Variants in ROS1 observed in about 807,000 individuals in gnomAD.
ROS1 encodes proto-oncogene tyrosine-protein kinase ROS.
ROS1 carries 263 observed loss-of-function variants against 273.5 expected under a neutral mutation model. That is an observed-to-expected ratio of 0.96 (90% CI 0.87 to 1.06). ROS1 has a LOEUF of 1.06. Ranked by LOEUF, ROS1 falls within the 50% of genes least tolerant of loss-of-function variation. The probability of loss-of-function intolerance (pLI) is 0.00; values close to 1 mark genes in which losing one functional copy is unlikely to be tolerated. For synonymous variants in ROS1, 1,008 were observed against 954.1 expected (o/e 1.06, Z -1.04); for missense variants, 2,833 against 2,751.1 (o/e 1.03, Z -0.67).
chr6:117,396,358 G>A, intron 8 of ROS1, 94 bp from the exon 9 acceptor site: 1 of 887,316 alleles, frequency 1.1e-6, no homozygotes, highest in Non-Finnish European at 1.9e-6. Context: ...CTATTTAAAG[G>A]GTGATGTGGC....
intron 42 of ROS1, among the ~76,000 whole-genome samples, chr6:117,306,409 A>G (rs1359165706): frequency 6.6e-6 from 1 of 152,110 alleles, no homozygotes; most frequent in African/African-American, 2.4e-5. Context: ...AAACCCCAGA[A>G]AGCTCTCACT....
chr6:117,371,946 T>C (rs1286162688), intron 18 of ROS1, among the ~76,000 whole-genome samples: 1 of 152,178 alleles, frequency 6.6e-6, no homozygotes, highest in Non-Finnish European at 1.5e-5. Context: ...AGCTCAGACA[T>C]GCCTAACCCT....
At position 117,392,350 on chromosome 6, in the gene ROS1, AT is replaced by A. The variant is rs566533958; in HGVS notation, c.1289+873del. On this transcript the variant is annotated intron_variant, in intron 12 of 43. Transcript: ENST00000368507. ...TTGTGAAAAACATGTTATGAGCTGT[AT>A]TTTTTTTTTCATTCAAAATGAAAGC... Among the ~76,000 whole-genome samples the A allele has an allele frequency of 7.1e-4, 107 of 150,166 alleles. 1 individual carries two copies. Among genetic ancestry groups the A allele is most frequent in the Middle Eastern group, 3.5e-3 (1 of 288 alleles).
intron 19 of ROS1, 60 bp from the exon 20 acceptor site, chr6:117,365,801 A>C: frequency 3.9e-6 from 5 of 1,285,672 alleles, no homozygotes; most frequent in Non-Finnish European, 5.3e-6. Context: ...TGACCAATAT[A>C]GAAATCATAG....
chr6:117,383,208 A>C, intron 17 of ROS1, 109 bp downstream of exon 17: 4 of 813,486 alleles, frequency 4.9e-6, no homozygotes, highest in Non-Finnish European at 7.4e-6. Flanking sequence ...CCAAAACACT[A>C]TTTCCTTTAG....
At chr6:117,291,933 C>T (rs1442528415) in intron 43 of ROS1, among the ~76,000 whole-genome samples, 1 of 152,046 alleles carries the variant, frequency 6.6e-6, no homozygotes, top group Non-Finnish European at 1.5e-5. Flanking sequence ...CCTGCTAACA[C>T]CCATTATGGC....
In ROS1 at chr6:117,402,989, G is replaced by C. The variant is rs1774075035; in HGVS notation, c.604+150C>G. 3.8e-6 allele frequency: 3 copies of C among 780,882 alleles called. No homozygotes were observed. In the South Asian group the frequency reaches 5.0e-5, roughly 13 times the overall value. The allele number at this position is 780,882 out of a possible 1,614,324, so 48.4% of individuals were successfully genotyped here. A position where few individuals can be genotyped will look rare whatever the true frequency, so the allele number is the denominator to read the frequency against. On this transcript the variant is annotated intron_variant, in intron 7 of 43. Transcript: ENST00000368507. ...ATCATAAAGGTATTGTGAGTACCTA[G>C]AATACTACCTGGCACATAGTTATGT... is the stretch of plus-strand genomic sequence containing the variant.
rs747157354 is a variant in ROS1 at position 117,329,318 on chromosome 6, AAC to A, written c.5348+9_5348+10del. On this transcript the variant is annotated intron_variant, in intron 33 of 43. Transcript: ENST00000368507. ...CTTTGTCATTTACAAGTACTTTGCA[AAC>A]ACACATACCTTATCTCAAGGATATA... 1 of 1,234,880 alleles carries A rather than the reference AAC, an allele frequency of 8.1e-7. No individual in the cohort carries two copies. Among genetic ancestry groups the A allele is most frequent in the Non-Finnish European group, 1.2e-6 (1 of 852,740 alleles). The allele number at this position is 1,234,880 out of a possible 1,614,324, so 76.5% of individuals were successfully genotyped here. A position where few individuals can be genotyped will look rare whatever the true frequency, so the allele number is the denominator to read the frequency against.
chr6:117,341,606 T>C lies in ROS1; in HGVS notation c.4678A>G (p.Thr1560Ala). 1 of 1,613,564 alleles carries C rather than the reference T, an allele frequency of 6.2e-7. No individual in the cohort carries two copies. The highest frequency in any genetic ancestry group is 8.5e-7 in the Non-Finnish European group (1 of 1,179,606). ...GVPEAVQLIN[T>A]TVRSDTSLII... is the part of the protein sequence containing the mutation. ...AGGCTGGTGTCTGACCGCACAGTTG[T>C]ATTAATGAGCTGCACTGCCTCTGGT... The change falls in exon 30 of 44, where the codon ACA becomes GCA. Residue 1560 changes from threonine to alanine, a missense_variant. Thr to Ala is a moderately conservative substitution (Grantham distance 58, BLOSUM62 0). Coordinates refer to ENST00000368507, the MANE Select transcript of ROS1 (RefSeq NM_001378902.1).
chr6:117,395,631 T>A (rs916853585), intron 9 of ROS1, among the ~76,000 whole-genome samples: 1 of 152,152 alleles, frequency 6.6e-6, no homozygotes, highest in Admixed American at 6.5e-5. Flanking sequence ...CTCACACATA[T>A]ATCATACAGT....
chr6:117,354,220 G>C (rs1009496012), intron 26 of ROS1, among the ~76,000 whole-genome samples: 1 of 152,086 alleles, frequency 6.6e-6, no homozygotes, highest in East Asian at 1.9e-4. Context: ...AGGCATGGTA[G>C]TGTGCACCTG....
At chr6:117,294,234 C>G (rs1158062488) in intron 43 of ROS1, among the ~76,000 whole-genome samples, 2 of 152,076 alleles carry the variant, frequency 1.3e-5, no homozygotes, top group African/African-American at 4.8e-5. Context: ...AACATTTTCT[C>G]TAATAACTAG....
rs2128548358 is a variant in ROS1 at position 117,310,188 on chromosome 6, G to C, written c.6309C>G (p.Ile2103Met). The C allele has an allele frequency of 1.2e-6, 2 of 1,613,190 alleles. No homozygotes were observed. Among genetic ancestry groups the C allele is most frequent in the Middle Eastern group, 1.7e-4 (1 of 6,054 alleles). The change falls in exon 41 of 44, where the codon ATC becomes ATG. Residue 2103 changes from isoleucine (I) to methionine (M), a missense_variant. Ile to Met is a conservative substitution (Grantham distance 10). Transcript: ENST00000368507. ...KIGDFGLARD[I>M]YKNDYYRKRG... ...TCTTTCTATAGTAATCATTTTTATA[G>C]ATGTCTCTGGCGAGTCCAAAGTCTC...
Position 117,365,761 on chromosome 6 carries a change from A to G in ROS1, c.2798-20T>C. ...AGTTCCCTACAGGATGAAACAAAAA[A>G]AAGAAATAGGAGAAAAAAATGGGGA... On this transcript the variant is annotated intron_variant, in intron 19 of 43. Coordinates refer to ENST00000368507, the MANE Select transcript of ROS1 (RefSeq NM_001378902.1). 6.6e-7 allele frequency: 1 copy of G among 1,512,264 alleles called. No individual in the cohort carries two copies. The highest frequency in any genetic ancestry group is 8.8e-7 in the Non-Finnish European group (1 of 1,133,272). 93.7% of individuals were successfully genotyped at this position (1,512,264 alleles called of 1,614,324 possible).
intron 17 of ROS1, among the ~76,000 whole-genome samples, chr6:117,380,265 A>G (rs375701466): frequency 8.3e-4 from 126 of 152,258 alleles, no homozygotes; most frequent in African/African-American, 2.7e-3. Flanking sequence ...TGAAAAGACT[A>G]CAATAAGGTA....
In ROS1 at chr6:117,389,581, G is replaced by A. The variant is rs1375443218; in HGVS notation, c.1555C>T (p.Leu519Phe). 1 of 1,614,196 alleles carries A rather than the reference G, an allele frequency of 6.2e-7. No homozygotes were observed. The highest frequency in any genetic ancestry group is 8.5e-7 in the Non-Finnish European group (1 of 1,180,026). Reference protein sequence around the residue: ...KSFACENNDFLVTDGKVIFQQ... With the variant: ...KSFACENNDFFVTDGKVIFQQ... The stretch of plus-strand genomic sequence containing the variant: ...AAAATGACCTTGCCATCTGTGACAA[G>A]AAAGTCATTGTTTTCACAAGCAAAA... The change falls in exon 13 of 44, where the codon CTT becomes TTT. Residue 519 changes from leucine to phenylalanine, a missense_variant. Leu to Phe is a conservative substitution (Grantham distance 22). Coordinates refer to ENST00000368507, the MANE Select transcript of ROS1 (RefSeq NM_001378902.1).
At chr6:117,346,321 CTTGT>C (rs1778372701) in intron 27 of ROS1, among the ~76,000 whole-genome samples, 1 of 151,472 alleles carries the variant, frequency 6.6e-6, no homozygotes, top group Non-Finnish European at 1.5e-5. Flanking sequence ...ACCAAGATAA[CTTGT>C]AATTGCTTAA....
Position 117,397,113 on chromosome 6 carries a change from G to A in ROS1, c.608C>T (p.Pro203Leu). 6.2e-7 allele frequency: 1 copy of A among 1,604,984 alleles called. No homozygotes were observed. Among genetic ancestry groups the A allele is most frequent in the Non-Finnish European group, 8.5e-7 (1 of 1,172,184 alleles). ...PSYRTHPHGV[P>L]ETAPLIRNIE... ...ATTCCTAATCAAAGGTGCAGTTTCA[G>A]GAACTGGAAGAGATAATGGTGACAT... The change falls in exon 8 of 44, where the codon CCT (proline) becomes CTT (leucine). Residue 203 changes from proline (P) to leucine (L), a missense_variant. Coordinates refer to ENST00000368507, the MANE Select transcript of ROS1 (RefSeq NM_001378902.1).
intron 1 of ROS1, among the ~76,000 whole-genome samples, chr6:117,420,514 G>A (rs1219625058): frequency 6.6e-6 from 1 of 150,806 alleles, no homozygotes; most frequent in Non-Finnish European, 1.5e-5. Context: ...ACACCAACAT[G>A]GCACAAGTAT....
Sources: allele counts gnomAD v4.1 joint callset (sites outside exome capture counted in the v4.1 genomes callset), GRCh38; gene constraint gnomAD v4.1.1; transcripts MANE v1.5; gene names NCBI Gene and HGNC (gene_info 2026-07-23, HGNC 2026-07-21).